Variants in SPIDR observed in about 807,000 individuals in gnomAD.
SPIDR encodes the protein DNA repair-scaffolding protein.
Under a neutral mutation model 104.6 loss-of-function variants are expected in SPIDR, and 93 were observed. The observed-to-expected ratio is 0.89, with a 90% CI of 0.75 to 1.06. The LOEUF (loss-of-function observed/expected upper bound fraction) is 1.06. SPIDR is among the 50% of genes least tolerant of loss of function. The pLI is 0.00. For missense variants in SPIDR, 1,154 were observed against 1,111.2 expected (o/e 1.04, Z -0.55); for synonymous variants, 431 against 416.9 (o/e 1.03, Z -0.41).
At chr8:47,634,096 A>G (rs1201234297) in intron 10 of SPIDR, among the ~76,000 whole-genome samples, 1 of 145,376 alleles carries the variant, frequency 6.9e-6, no homozygotes, top group African/African-American at 2.5e-5. Flanking sequence ...CCCTGTCTCA[A>G]AAAAAAAAAA....
In SPIDR at chr8:47,294,103, T is replaced by TG. The variant is rs879946718; in HGVS notation, c.525+74dup. 1.9e-4 allele frequency: 280 copies of TG among 1,503,278 alleles called. 1 individual carries two copies. The South Asian group carries it at 3.5e-3, about 19-fold the overall frequency. The allele number at this position is 1,503,278 out of a possible 1,614,324, so 93.1% of individuals were successfully genotyped here. On this transcript the variant is annotated intron_variant, in intron 5 of 19. Transcript: ENST00000297423. The stretch of plus-strand genomic sequence containing the variant: ...TAATCATAGTTGTCATTTTTTTTTT[T>TG]GTTTTTTTTTTCCTGTCCTTCCTCG...
chr8:47,451,581 AAC>A (rs56269650), intron 8 of SPIDR, among the ~76,000 whole-genome samples: 100,885 of 147,866 alleles, frequency 0.68, 34,309 homozygotes, highest in Admixed American at 0.78. Context: ...ACCCTGCCAA[AAC>A]ACACACACAC....
chr8:47,688,121 T>C (rs1315799439), intron 11 of SPIDR, among the ~76,000 whole-genome samples: 1 of 152,032 alleles, frequency 6.6e-6, no homozygotes, highest in Non-Finnish European at 1.5e-5. Flanking sequence ...GTTTTGCTTT[T>C]TATTTTATTT....
At chr8:47,543,358 A>T (rs754472056) in intron 8 of SPIDR, among the ~76,000 whole-genome samples, 4 of 152,106 alleles carry the variant, frequency 2.6e-5, no homozygotes, top group African/African-American at 4.8e-5. Context: ...TTTTATTCTG[A>T]TAGATAGATA....
chr8:47,273,243 G>A (rs2035694556), intron 1 of SPIDR, among the ~76,000 whole-genome samples: 1 of 152,138 alleles, frequency 6.6e-6, no homozygotes, highest in Non-Finnish European at 1.5e-5. Flanking sequence ...ATATAAATAG[G>A]GATTCCCAAA....
At chr8:47,417,808 T>TA (rs766014497) in intron 7 of SPIDR, among the ~76,000 whole-genome samples, 8 of 152,186 alleles carry the variant, frequency 5.3e-5, no homozygotes, top group Non-Finnish European at 1.2e-4. Context: ...GTATAAGGTG[T>TA]AAGGAAGGGA....
At chr8:47,703,304 G>A (rs2080596086) in intron 14 of SPIDR, among the ~76,000 whole-genome samples, 1 of 152,198 alleles carries the variant, frequency 6.6e-6, no homozygotes, top group Non-Finnish European at 1.5e-5. Flanking sequence ...CTTCGACAGT[G>A]GAAGAATAAG....
chr8:47,641,060 G>T (rs868134464), intron 10 of SPIDR, among the ~76,000 whole-genome samples: 6 of 151,376 alleles, frequency 4.0e-5, no homozygotes, highest in Middle Eastern at 3.4e-3. Flanking sequence ...CTGAAAAAGG[G>T]TATGCATATT....
chr8:47,530,160 T>C (rs1298970990), intron 8 of SPIDR, among the ~76,000 whole-genome samples: 1 of 152,174 alleles, frequency 6.6e-6, no homozygotes, highest in Non-Finnish European at 1.5e-5. Flanking sequence ...TGTAACAAAA[T>C]GATAAATATT....
At chr8:47,700,616 T>C (rs1414108399) in intron 12 of SPIDR, 126 bp downstream of exon 12, 6 of 875,520 alleles carry the variant, frequency 6.9e-6, no homozygotes, top group Non-Finnish European at 1.1e-5. Flanking sequence ...GGAGCCCCCA[T>C]GCAGTCAGTT....
chr8:47,477,205 A>T (rs1190647462), intron 8 of SPIDR, among the ~76,000 whole-genome samples: 2 of 147,704 alleles, frequency 1.4e-5, no homozygotes, highest in Non-Finnish European at 3.0e-5. Context: ...TGCGCAATAT[A>T]TTTTTTTTTT....
rs536848757 is a variant in SPIDR, at chr8:47,724,326, G to T, written c.2342-2874G>T. 2.3e-4 allele frequency among the ~76,000 whole-genome samples: 35 copies of T among 152,324 alleles called. No individual in the cohort carries two copies. The South Asian group carries it at 6.4e-3, about 28-fold the overall frequency. ...AAGATTATCCAAGCCTCACATGCAG[G>T]AATGTCCATAGCAAGGTAGCAGCTA... On this transcript the variant is annotated intron_variant, in intron 16 of 19. Transcript: ENST00000297423.
intron 19 of SPIDR, among the ~76,000 whole-genome samples, 184 bp from the exon 20 acceptor site, chr8:47,735,095 GGTGTGTGTGTGTGTGGGTGTGTGTGTGT>G (rs957409160): frequency 6.8e-5 from 10 of 146,156 alleles, no homozygotes; most frequent in Non-Finnish European, 1.4e-4. Context: ...TGGGTGTGTG[GGTGTGTGTGTGTGTGGGTGTGTGTGTGT>G]GTGTGTGTGT....
At chr8:47,545,791 T>C (rs1201227883) in intron 8 of SPIDR, among the ~76,000 whole-genome samples, 11 of 152,172 alleles carry the variant, frequency 7.2e-5, no homozygotes, top group Admixed American at 7.2e-4. Flanking sequence ...CTCTACCAAA[T>C]TGAGGAAATT....
chr8:47,415,448 T>C (rs2064123328), intron 7 of SPIDR, among the ~76,000 whole-genome samples: 1 of 152,234 alleles, frequency 6.6e-6, no homozygotes, highest in East Asian at 1.9e-4. Context: ...TGTAATCTTA[T>C]CACCTGTTAC....
chr8:47,524,614 C>T (rs139513969), intron 8 of SPIDR, among the ~76,000 whole-genome samples: 119 of 152,312 alleles, frequency 7.8e-4, no homozygotes, highest in African/African-American at 2.8e-3. Flanking sequence ...CCTCCTGGCA[C>T]GTCTTGCGGG....
intron 7 of SPIDR, among the ~76,000 whole-genome samples, chr8:47,435,786 T>A (rs1554691685): frequency 6.6e-6 from 1 of 152,262 alleles, no homozygotes; most frequent in Non-Finnish European, 1.5e-5. Flanking sequence ...AAACAAGCCC[T>A]ATGTCTTAGC....
At chr8:47,587,157 T>A (rs886742148) in intron 8 of SPIDR, among the ~76,000 whole-genome samples, 5 of 152,220 alleles carry the variant, frequency 3.3e-5, no homozygotes, top group Non-Finnish European at 7.3e-5. Flanking sequence ...TTCTCTTAAA[T>A]TTTTCCCTAA....
chr8:47,661,236 C>G (rs1012354051), intron 10 of SPIDR, among the ~76,000 whole-genome samples: 4 of 152,192 alleles, frequency 2.6e-5, no homozygotes, highest in African/African-American at 9.7e-5. Context: ...TCTAAACACA[C>G]ATGTCCTACT....
Sources: gnomAD v4.1 joint callset for allele counts (sites outside exome capture counted in the v4.1 genomes callset) on GRCh38, gnomAD v4.1.1 for gene constraint, MANE v1.5 for transcripts, NCBI Gene and HGNC (gene_info 2026-07-23, HGNC 2026-07-21) for gene names.